Variants in KITLG observed in about 807,000 individuals in gnomAD.
KITLG encodes c-Kit ligand.
Under a neutral mutation model 34.1 loss-of-function variants are expected in KITLG, and 13 were observed. That is an observed-to-expected ratio of 0.38 (90% CI 0.25 to 0.61). KITLG has a LOEUF of 0.61. Among genes scored for constraint, KITLG ranks in the 20% least tolerant of loss-of-function variants. KITLG has a pLI of 0.60. For missense variants in KITLG, 292 were observed against 318.9 expected (o/e 0.92, Z 0.64); for synonymous variants, 110 against 104.0 (o/e 1.06, Z -0.35).
intron 1 of KITLG, among the ~76,000 whole-genome samples, chr12:88,575,087 T>C (rs574372817): frequency 7.2e-5 from 11 of 152,350 alleles, no homozygotes; most frequent in Non-Finnish European, 1.5e-4. Flanking sequence ...AAATACCATC[T>C]GGTTCAAATA....
chr12:88,549,863 G>A (rs1316267298), intron 1 of KITLG, among the ~76,000 whole-genome samples: 1 of 152,100 alleles, frequency 6.6e-6, no homozygotes, highest in Non-Finnish European at 1.5e-5. Context: ...ACAGAAGAGT[G>A]AGAACCCACA....
intron 1 of KITLG, among the ~76,000 whole-genome samples, chr12:88,575,319 G>A (rs1015105092): frequency 2.0e-5 from 3 of 152,038 alleles, no homozygotes; most frequent in Non-Finnish European, 4.4e-5. Context: ...TGTAGCCAAA[G>A]GACAAAGACA....
At chr12:88,527,995 C>A (rs962440693) in intron 3 of KITLG, among the ~76,000 whole-genome samples, 2 of 152,124 alleles carry the variant, frequency 1.3e-5, no homozygotes, top group African/African-American at 4.8e-5. Context: ...GCTGCTATAA[C>A]AAAGTACTAC....
At chr12:88,539,735 A>C (rs1483683131) in intron 2 of KITLG, among the ~76,000 whole-genome samples, 1 of 152,132 alleles carries the variant, frequency 6.6e-6, no homozygotes, top group Non-Finnish European at 1.5e-5. Flanking sequence ...CAGACTTGGC[A>C]ACAAAGTGAG....
intron 6 of KITLG, among the ~76,000 whole-genome samples, chr12:88,509,143 T>G (rs1264963424): frequency 1.3e-5 from 2 of 152,138 alleles, no homozygotes; most frequent in Non-Finnish European, 2.9e-5. Context: ...AATAAATTAA[T>G]TAAGATTTTG....
In KITLG at chr12:88,505,222, T is replaced by C. The variant is rs1397985835; in HGVS notation, c.796A>G (p.Lys266Glu). ...TACACTTCTTGAAACTCTCTCTCTT[T>C]CTCTTGCAACATACTGAAAAACAAT... ...EDNEISMLQE[K>E]EREFQEV Residue 266 changes from lysine (K) to glutamate (E), a missense_variant, in exon 9 of 10, where the codon AAA becomes GAA. This residue lies in a region of KITLG where 140 missense variants were observed against 111.0 expected (regional missense o/e 1.26). Coordinates refer to ENST00000644744, the MANE Select transcript of KITLG (RefSeq NM_000899.5). 4 of 1,610,818 alleles carry C rather than the reference T, an allele frequency of 2.5e-6. No homozygotes were observed. The highest frequency in any genetic ancestry group is 3.4e-6 in the Non-Finnish European group (4 of 1,177,300).
intron 1 of KITLG, among the ~76,000 whole-genome samples, chr12:88,565,033 CATT>C (rs1458653943): frequency 6.6e-6 from 1 of 152,184 alleles, no homozygotes; most frequent in African/African-American, 2.4e-5. Flanking sequence ...TGTATTGAGA[CATT>C]ATTTTTGCTG....
At chr12:88,520,073 A>G (rs1289438909) in intron 3 of KITLG, among the ~76,000 whole-genome samples, 1 of 152,216 alleles carries the variant, frequency 6.6e-6, no homozygotes, top group Non-Finnish European at 1.5e-5. Context: ...ATGTCACTCA[A>G]AACTTTTAGG....
Position 88,494,320 on chromosome 12 carries a change from T to C in KITLG, c.*2899A>G, listed in dbSNP as rs1488090959. ...TGCAGTAAAATATTTTTAAAATCCA[T>C]GATTTCTGAATGAGTTTTTCTCTTT... On this transcript the variant is annotated 3_prime_UTR_variant, in exon 10 of 10. Transcript: ENST00000644744. The C allele has an allele frequency of 2.0e-5, 3 of 152,164 alleles. No individual in the cohort carries two copies. Among genetic ancestry groups the C allele is most frequent in the East Asian group, 3.9e-4 (2 of 5,184 alleles). The allele number at this position is 152,164 out of a possible 1,614,324, so 9.4% of individuals were successfully genotyped here.
chr12:88,527,485 G>A (rs889757547), intron 3 of KITLG, among the ~76,000 whole-genome samples: 8 of 152,262 alleles, frequency 5.3e-5, no homozygotes, highest in Admixed American at 3.9e-4. Context: ...TGTTAGAGTG[G>A]CATCACATGC....
chr12:88,505,260 T>G (rs1484412840), intron 8 of KITLG, 25 bp from the exon 9 acceptor site: 1 of 1,585,018 alleles, frequency 6.3e-7, no homozygotes, highest in East Asian at 2.2e-5. Context: ...GAAAAAATGC[T>G]TATTTGCTCT....
chr12:88,570,430 C>T (rs957661144), intron 1 of KITLG, among the ~76,000 whole-genome samples: 3 of 151,950 alleles, frequency 2.0e-5, no homozygotes, highest in African/African-American at 7.3e-5. Context: ...AGAAGCAACT[C>T]ATCACTCAAC....
intron 2 of KITLG, 40 bp downstream of exon 2, chr12:88,545,712 G>T: frequency 8.8e-7 from 1 of 1,142,192 alleles, no homozygotes; most frequent in Non-Finnish European, 1.3e-6. Flanking sequence ...AAGAGCCACA[G>T]CTCTTTTTTA....
intron 1 of KITLG, among the ~76,000 whole-genome samples, chr12:88,548,431 C>A (rs559561058): frequency 6.8e-6 from 1 of 147,912 alleles, no homozygotes; most frequent in Non-Finnish European, 1.5e-5. Flanking sequence ...TCTAGCCTGG[C>A]GACAAAAGCT....
chr12:88,537,186 A>C (rs771485874), intron 2 of KITLG, among the ~76,000 whole-genome samples: 3 of 152,076 alleles, frequency 2.0e-5, no homozygotes, highest in African/African-American at 4.8e-5. Context: ...TACGTTCATC[A>C]CAGTACTATT....
At chr12:88,507,260 C>T in intron 6 of KITLG, 123 bp from the exon 7 acceptor site, 1 of 657,590 alleles carries the variant, frequency 1.5e-6, no homozygotes. Context: ...TTAAAGTATT[C>T]AAAAGATTGA....
chr12:88,521,497 TATC>T (rs1335074747), intron 3 of KITLG, among the ~76,000 whole-genome samples: 1 of 152,128 alleles, frequency 6.6e-6, no homozygotes, highest in African/African-American at 2.4e-5. Flanking sequence ...TAAATGATAT[TATC>T]ACTGTTTCTT....
chr12:88,549,620 G>C (rs544365993), intron 1 of KITLG, among the ~76,000 whole-genome samples: 5 of 152,226 alleles, frequency 3.3e-5, no homozygotes, highest in Admixed American at 2.0e-4. Flanking sequence ...GGCAGATCAG[G>C]AGTTAAATTT....
intron 6 of KITLG, among the ~76,000 whole-genome samples, chr12:88,508,056 G>A (rs952307269): frequency 2.6e-5 from 4 of 151,896 alleles, no homozygotes; most frequent in Non-Finnish European, 4.4e-5. Context: ...GTGTGGTGGC[G>A]CATGCCTGTA....
Sources: gnomAD v4.1 joint callset for allele counts (sites outside exome capture counted in the v4.1 genomes callset) on GRCh38, gnomAD v4.1.1 for gene constraint, gnomAD v4.1.1 regional missense constraint, MANE v1.5 for transcripts, NCBI Gene and HGNC (gene_info 2026-07-23, HGNC 2026-07-21) for gene names.